PCAT7: variants seen among roughly 807,000 people sequenced by gnomAD.
The protein encoded by PCAT7 is prostate cancer associated transcript 7 (non-protein coding).
intron 2 of PCAT7, among the ~76,000 whole-genome samples, chr9:94,560,130 C>T (rs963772048): frequency 6.6e-6 from 1 of 152,150 alleles, no homozygotes; most frequent in East Asian, 1.9e-4. Context: ...GTCTCAAAAA[C>T]GAAGAAAGTG....
At chr9:94,568,736 A>G (rs1422204750) in intron 2 of PCAT7, 1 of 152,212 alleles carries the variant, frequency 6.6e-6, no homozygotes, top group African/African-American at 2.4e-5. Context: ...AAAAACAACT[A>G]AACAATCCTT....
At chr9:94,562,458 A>C (rs1827123289) in intron 2 of PCAT7, among the ~76,000 whole-genome samples, 1 of 152,134 alleles carries the variant, frequency 6.6e-6, no homozygotes, top group Non-Finnish European at 1.5e-5. Context: ...ACCTGGGCTA[A>C]GCACTCACAT....
At chr9:94,572,729 TACAC>T (rs1286596182) in intron 2 of PCAT7, among the ~76,000 whole-genome samples, 1 of 152,064 alleles carries the variant, frequency 6.6e-6, no homozygotes, top group East Asian at 1.9e-4. Context: ...CACATGAGTT[TACAC>T]ACACACATAT....
intron 2 of PCAT7, among the ~76,000 whole-genome samples, chr9:94,559,503 G>C (rs149672830): frequency 6.7e-6 from 1 of 150,196 alleles, no homozygotes; most frequent in African/African-American, 2.5e-5. Context: ...CTTTATATGT[G>C]AGACCTCAAG....
At chr9:94,555,445 T>C (rs933226606) in intron 1 of PCAT7, 3 of 150,500 alleles carry the variant, frequency 2.0e-5, no homozygotes, top group African/African-American at 7.3e-5. Context: ...GGGAAAAAAG[T>C]TTTTGGGTAG....
intron 1 of PCAT7, among the ~76,000 whole-genome samples, chr9:94,557,906 T>C (rs181843673): frequency 3.3e-5 from 5 of 152,356 alleles, no homozygotes; most frequent in Admixed American, 3.3e-4. Context: ...AGTCTTAACA[T>C]AATTTGGACA....
At chr9:94,567,117 T>C (rs1827200441) in intron 2 of PCAT7, among the ~76,000 whole-genome samples, 1 of 124,826 alleles carries the variant, frequency 8.0e-6, no homozygotes, top group Non-Finnish European at 1.7e-5. Flanking sequence ...ACTGAATGCT[T>C]ATGAAGAAAG....
intron 2 of PCAT7, chr9:94,571,500 A>G (rs751298618): frequency 6.2e-7 from 1 of 1,613,892 alleles, no homozygotes; most frequent in South Asian, 1.1e-5. Context: ...TGCCCTGTGG[A>G]GAGAGCCACC....
intron 1 of PCAT7, among the ~76,000 whole-genome samples, chr9:94,557,464 A>T (rs771404731): frequency 6.6e-6 from 1 of 152,056 alleles, no homozygotes; most frequent in African/African-American, 2.4e-5. Flanking sequence ...GAAGGTGAAA[A>T]TTTTTTGGTT....
Position 94,567,451 on chromosome 9 carries a change from G to GAA in PCAT7, n.442-5526_442-5525dup, listed in dbSNP as rs761677998. 6 of 1,569,482 alleles carry GAA rather than the reference G, an allele frequency of 3.8e-6. No homozygotes were observed. The African/African-American group carries it at 1.0e-4, about 27-fold the overall frequency. ...ATGCCAGGAAGAAGAGAGAAGCCAG[G>GAA]AAACAAGCCAACCGCACAATCCCCA... On this transcript the variant is annotated intron_variant and non_coding_transcript_variant, in intron 2 of 8. Coordinates refer to ENST00000647389, the Ensembl canonical transcript of PCAT7.
rs755065804 is a variant in PCAT7, at chr9:94,567,334, T to G, written n.442-5645T>G. 4 of 1,614,166 alleles carry G rather than the reference T, an allele frequency of 2.5e-6. No homozygotes were observed. In the East Asian group the frequency reaches 8.9e-5, roughly 36 times the overall value. Reference sequence around the variant, plus strand: ...CGCATCAAAATACTTGGCATAGCCCTCATTCAGGCTGTAAATCTTTCCTTT... The same window carrying G: ...CGCATCAAAATACTTGGCATAGCCCGCATTCAGGCTGTAAATCTTTCCTTT... On this transcript the variant is annotated intron_variant and non_coding_transcript_variant, in intron 2 of 8. Transcript: ENST00000647389.
chr9:94,565,319 G>A (rs571891623), intron 2 of PCAT7, among the ~76,000 whole-genome samples: 1 of 138,366 alleles, frequency 7.2e-6, no homozygotes, highest in South Asian at 2.2e-4. Context: ...AGGTTGCAGT[G>A]AGCTAAGATC....
rs562232905 is a variant in PCAT7 at position 94,563,020 on chromosome 9, G to T, written n.441+3868G>T. Among the ~76,000 whole-genome samples the T allele has an allele frequency of 7.2e-5, 11 of 152,344 alleles. No homozygotes were observed. The South Asian group carries it at 2.3e-3, about 32-fold the overall frequency. On this transcript the variant is annotated intron_variant and non_coding_transcript_variant, in intron 2 of 8. Coordinates refer to ENST00000647389, the Ensembl canonical transcript of PCAT7. ...CTATAGGGACCATCATCCCAGATCA[G>T]CTGGTGCTGAAGCTAAAAGTCAGAT...
chr9:94,559,372 A>G (rs571891601), intron 2 of PCAT7, among the ~76,000 whole-genome samples: 1 of 152,228 alleles, frequency 6.6e-6, no homozygotes, highest in South Asian at 2.1e-4. Context: ...CCATGTATCT[A>G]CCCATCTTGT....
At chr9:94,556,834 A>G (rs1002997064) in intron 1 of PCAT7, among the ~76,000 whole-genome samples, 3 of 152,236 alleles carry the variant, frequency 2.0e-5, no homozygotes, top group South Asian at 2.1e-4. Flanking sequence ...CTGCATTTAA[A>G]TCTTTATTTT....
chr9:94,571,556 C>T lies in PCAT7; in HGVS notation n.442-1423C>T, dbSNP rs751410821. On this transcript the variant is annotated intron_variant and non_coding_transcript_variant, in intron 2 of 8. Transcript: ENST00000647389. The stretch of plus-strand genomic sequence containing the variant: ...CGCATAACCTGCGGCCACAATATTG[C>T]GGCCACACTGCAGGGCATCCTTTTC... 1.2e-5 allele frequency: 19 copies of T among 1,613,598 alleles called. No individual in the cohort carries two copies. The South Asian group carries it at 1.6e-4, about 14-fold the overall frequency.
chr9:94,559,241 A>C (rs1827057627), intron 2 of PCAT7: 1 of 896,054 alleles, frequency 1.1e-6, no homozygotes, highest in Non-Finnish European at 1.7e-6. Context: ...CCATCTGGCT[A>C]GCATGAGCGC....
intron 2 of PCAT7, chr9:94,570,139 C>T (rs1827251739): frequency 6.6e-6 from 1 of 152,232 alleles, no homozygotes; most frequent in Non-Finnish European, 1.5e-5. Context: ...AGACTGGGCC[C>T]TGCTTTCATG....
intron 2 of PCAT7, chr9:94,571,688 G>A (rs747916107): frequency 4.6e-5 from 57 of 1,228,368 alleles, no homozygotes; most frequent in Middle Eastern, 2.1e-4. Context: ...AGATCTCCTC[G>A]AATCACTGAA....
Sources: allele counts gnomAD v4.1 joint callset (sites outside exome capture counted in the v4.1 genomes callset), GRCh38; gene constraint gnomAD v4.1.1; transcripts MANE v1.5; gene names NCBI Gene and HGNC (gene_info 2026-07-23, HGNC 2026-07-21).